Variants in SAMMSON observed in about 807,000 individuals in gnomAD.
SAMMSON encodes the protein survival associated mitochondrial melanoma specific oncogenic non-coding RNA, also known as long intergenic non-protein coding RNA 1212.
chr3:70,058,400 C>T (rs866662075), intron 3 of SAMMSON, among the ~76,000 whole-genome samples: 3 of 151,914 alleles, frequency 2.0e-5, no homozygotes, highest in Admixed American at 6.6e-5. Flanking sequence ...TTTGGGTATT[C>T]CAGACAGAAT....
At chr3:70,404,604 G>A (rs1701165470) in intron 2 of SAMMSON, among the ~76,000 whole-genome samples, 1 of 152,142 alleles carries the variant, frequency 6.6e-6, no homozygotes, top group African/African-American at 2.4e-5. Flanking sequence ...TTCTGAGCAT[G>A]ATGGAGTAGT....
intron 7 of SAMMSON, among the ~76,000 whole-genome samples, chr3:70,313,528 G>A (rs951043049): frequency 4.6e-5 from 7 of 151,764 alleles, no homozygotes; most frequent in African/African-American, 1.7e-4. Context: ...GTTTTCAATG[G>A]AAGATTAAAA....
intron 4 of SAMMSON, chr3:70,072,089 T>C (rs931990241): frequency 1.3e-5 from 2 of 151,958 alleles, no homozygotes; most frequent in African/African-American, 4.8e-5. Context: ...CTCTCCTCTT[T>C]CTTTCTCCTT....
Position 70,227,385 on chromosome 3 carries a change from A to G in SAMMSON, n.508-21722A>G, listed in dbSNP as rs192874859. 6.6e-4 allele frequency among the ~76,000 whole-genome samples: 101 copies of G among 152,334 alleles called. 2 individuals are homozygous for G. In the East Asian group the frequency reaches 0.019, roughly 29 times the overall value. On this transcript the variant is annotated intron_variant and non_coding_transcript_variant, in intron 4 of 9. Coordinates refer to ENST00000642114, the Ensembl canonical transcript of SAMMSON. ...TTACTCAAGAGATGAGAATATGTCA[A>G]GAAAACAATGTGATTCAAAATATCA...
chr3:70,415,426 T>G (rs966046473), intron 2 of SAMMSON, among the ~76,000 whole-genome samples: 5 of 152,320 alleles, frequency 3.3e-5, no homozygotes, highest in African/African-American at 1.2e-4. Flanking sequence ...CTGACACCGT[T>G]GTACTTAATG....
In SAMMSON at chr3:70,416,772, T is replaced by A. The variant is rs115545474; in HGVS notation, n.234-45788T>A. ...TGAACCCCTTTAAATTTAGTGAAAT[T>A]TATAAGAATTTTCCATAAAAAAGAA... On this transcript the variant is annotated intron_variant and non_coding_transcript_variant, in intron 2 of 3. Coordinates refer to the SAMMSON transcript ENST00000641053. 4.8e-3 allele frequency among the ~76,000 whole-genome samples: 726 copies of A among 152,252 alleles called. 9 individuals are homozygous for A. The highest frequency in any genetic ancestry group is 0.017 in the African/African-American group (694 of 41,536).
chr3:70,392,954 A>G (rs1256335209), downstream of SAMMSON, among the ~76,000 whole-genome samples: 1 of 152,140 alleles, frequency 6.6e-6, no homozygotes, highest in Non-Finnish European at 1.5e-5. Flanking sequence ...TTTAATTCGC[A>G]TTGCAAAGCT....
chr3:70,260,454 AT>A (rs1701855236), intron 6 of SAMMSON, among the ~76,000 whole-genome samples: 1 of 151,774 alleles, frequency 6.6e-6, no homozygotes. Context: ...ACCTCAACAT[AT>A]TTTTTACATC....
At chr3:70,403,319 G>A (rs940721804) in intron 2 of SAMMSON, among the ~76,000 whole-genome samples, 8 of 152,150 alleles carry the variant, frequency 5.3e-5, no homozygotes, top group Non-Finnish European at 8.8e-5. Flanking sequence ...CCCAAAGCCA[G>A]GGGATAGGGG....
At chr3:70,290,484 A>G (rs939243555) in intron 6 of SAMMSON, among the ~76,000 whole-genome samples, 1 of 152,154 alleles carries the variant, frequency 6.6e-6, no homozygotes, top group Non-Finnish European at 1.5e-5. Context: ...AGGGACATTT[A>G]AGTCTGCAGA....
At chr3:70,018,481 A>G (rs1241100600) in intron 3 of SAMMSON, among the ~76,000 whole-genome samples, 1 of 151,608 alleles carries the variant, frequency 6.6e-6, no homozygotes, top group Admixed American at 6.6e-5. Flanking sequence ...TTTCTTCTTT[A>G]TTAGTCTTGC....
chr3:70,117,808 T>C (rs995467934), intron 4 of SAMMSON, among the ~76,000 whole-genome samples: 15 of 152,232 alleles, frequency 9.9e-5, no homozygotes, highest in Admixed American at 3.3e-4. Context: ...AAAGCACTTA[T>C]AAGGAAATCT....
At chr3:70,270,378 T>C (rs1216970146) in intron 6 of SAMMSON, among the ~76,000 whole-genome samples, 2 of 152,322 alleles carry the variant, frequency 1.3e-5, no homozygotes, top group Admixed American at 6.5e-5. Context: ...GTATTAAATT[T>C]TTTAAAAAGA....
At chr3:70,211,142 C>T (rs1179246400) in intron 4 of SAMMSON, among the ~76,000 whole-genome samples, 1 of 152,034 alleles carries the variant, frequency 6.6e-6, no homozygotes, top group Non-Finnish European at 1.5e-5. Context: ...TGATTCTATT[C>T]TTGTTTCTTC....
chr3:70,246,283 C>T (rs898714253), intron 4 of SAMMSON, among the ~76,000 whole-genome samples: 2 of 152,064 alleles, frequency 1.3e-5, no homozygotes, highest in African/African-American at 4.8e-5. Context: ...AAAGGTCACA[C>T]TTTGTTACTT....
intron 3 of SAMMSON, among the ~76,000 whole-genome samples, chr3:70,044,366 A>G (rs1369162207): frequency 6.6e-6 from 1 of 152,010 alleles, no homozygotes; most frequent in African/African-American, 2.4e-5. Flanking sequence ...TGGATGTTTT[A>G]GGCTGCTAAA....
At chr3:70,052,144 A>G (rs1052130659) in intron 3 of SAMMSON, among the ~76,000 whole-genome samples, 2 of 151,856 alleles carry the variant, frequency 1.3e-5, no homozygotes, top group Non-Finnish European at 2.9e-5. Flanking sequence ...TTTAAAATAT[A>G]TAACCTATTT....
rs561094181 is a variant in SAMMSON, at chr3:70,432,831, C to T, written n.234-29729C>T. Among the ~76,000 whole-genome samples, 111 of 152,132 alleles carry T rather than the reference C, an allele frequency of 7.3e-4. 1 individual carries two copies. The highest frequency in any genetic ancestry group is 2.2e-3 in the African/African-American group (93 of 41,552). The stretch of plus-strand genomic sequence containing the variant: ...CCTATTCATCCCTCCCTCTTTCACC[C>T]AGAATCCCTCATAACCACTTATCTT... On this transcript the variant is annotated intron_variant and non_coding_transcript_variant, in intron 2 of 3. Transcript: ENST00000641053.
chr3:70,389,425 A>G (rs1315582671), intron 9 of SAMMSON: 1 of 152,074 alleles, frequency 6.6e-6, no homozygotes, highest in Admixed American at 6.6e-5. Context: ...AATTATGACT[A>G]TTCTCTCTAA....
Sources: allele counts gnomAD v4.1 joint callset (sites outside exome capture counted in the v4.1 genomes callset), GRCh38; gene constraint gnomAD v4.1.1; transcripts MANE v1.5; gene names NCBI Gene and HGNC (gene_info 2026-07-23, HGNC 2026-07-21).